Variants in ITGBL1 observed in about 807,000 individuals in gnomAD.
ITGBL1 encodes the protein integrin subunit beta like 1.
A neutral mutation model predicts 68.5 loss-of-function variants in ITGBL1; 51 were observed. That is an observed-to-expected ratio of 0.74 (90% CI 0.59 to 0.94). ITGBL1 has a LOEUF of 0.94. Among genes scored for constraint, ITGBL1 ranks in the 40% least tolerant of loss-of-function variants. ITGBL1 has a pLI of 0.00. For missense variants in ITGBL1, 649 were observed against 647.4 expected (o/e 1.00, Z -0.03); for synonymous variants, 209 against 227.3 (o/e 0.92, Z 0.72).
intron 2 of ITGBL1, among the ~76,000 whole-genome samples, chr13:101,492,109 T>C (rs1474086847): frequency 6.6e-6 from 1 of 152,188 alleles, no homozygotes; most frequent in East Asian, 1.9e-4. Flanking sequence ...GCATGTGTCT[T>C]TAAAGTAGAA....
intron 2 of ITGBL1, among the ~76,000 whole-genome samples, chr13:101,472,051 A>G (rs1443589173): frequency 6.6e-6 from 1 of 152,222 alleles, no homozygotes; most frequent in Non-Finnish European, 1.5e-5. Flanking sequence ...ATCATAAGAC[A>G]TTAGGTCTAT....
chr13:101,464,830 C>T (rs970025295), intron 2 of ITGBL1, among the ~76,000 whole-genome samples: 2 of 152,124 alleles, frequency 1.3e-5, no homozygotes, highest in African/African-American at 2.4e-5. Context: ...GACATACATG[C>T]GTAAGCCCTT....
At chr13:101,519,440 A>G (rs1174272169) in intron 2 of ITGBL1, among the ~76,000 whole-genome samples, 1 of 152,134 alleles carries the variant, frequency 6.6e-6, no homozygotes, top group East Asian at 1.9e-4. Flanking sequence ...GGTACTGCCA[A>G]GTGCAGGCTA....
At chr13:101,675,524 T>C (rs1454294809) in intron 7 of ITGBL1, among the ~76,000 whole-genome samples, 1 of 152,190 alleles carries the variant, frequency 6.6e-6, no homozygotes, top group Non-Finnish European at 1.5e-5. Flanking sequence ...TCACATGATC[T>C]CTTCTCTTTA....
intron 2 of ITGBL1, chr13:101,490,089 C>A: frequency 1.2e-6 from 1 of 813,504 alleles, no homozygotes; most frequent in Non-Finnish European, 2.0e-6. Flanking sequence ...GAAATTCTAA[C>A]CCCCAGTGTG....
intron 2 of ITGBL1, among the ~76,000 whole-genome samples, chr13:101,467,673 A>G (rs1397997413): frequency 6.6e-6 from 1 of 152,224 alleles, no homozygotes; most frequent in African/African-American, 2.4e-5. Context: ...TAAGACTTTT[A>G]TAAGGGTGCT....
downstream of ITGBL1, chr13:101,717,375 TGATA>T (rs539369443): frequency 1.1e-3 from 171 of 152,300 alleles, no homozygotes; most frequent in African/African-American, 3.9e-3. Flanking sequence ...GTACGTAAAT[TGATA>T]GATCTCTTCC....
At chr13:101,585,582 CA>C (rs1849795464) in intron 6 of ITGBL1, among the ~76,000 whole-genome samples, 1 of 152,034 alleles carries the variant, frequency 6.6e-6, no homozygotes, top group Non-Finnish European at 1.5e-5. Context: ...AGGTGCCCAC[CA>C]CCACGCCCGG....
chr13:101,578,348 A>C (rs1290964710), intron 4 of ITGBL1, among the ~76,000 whole-genome samples: 1 of 152,230 alleles, frequency 6.6e-6, no homozygotes, highest in Non-Finnish European at 1.5e-5. Context: ...CTTTAGCCAT[A>C]GACTGATAAA....
chr13:101,592,013 T>C (rs1013694620), intron 6 of ITGBL1, among the ~76,000 whole-genome samples: 4 of 152,154 alleles, frequency 2.6e-5, no homozygotes, highest in African/African-American at 9.7e-5. Flanking sequence ...TGATAATATA[T>C]TTTCTTCCTT....
intron 7 of ITGBL1, among the ~76,000 whole-genome samples, chr13:101,664,605 T>C (rs977709649): frequency 6.6e-6 from 1 of 152,168 alleles, no homozygotes; most frequent in African/African-American, 2.4e-5. Context: ...AAATAAACTT[T>C]TTTCACTGCA....
chr13:101,493,104 G>A (rs896643843), intron 2 of ITGBL1, among the ~76,000 whole-genome samples: 1 of 152,122 alleles, frequency 6.6e-6, no homozygotes, highest in Non-Finnish European at 1.5e-5. Context: ...TGTGGAATGA[G>A]TAGATTTCAA....
chr13:101,716,530 G>A (rs1359423283), downstream of ITGBL1: 1 of 152,070 alleles, frequency 6.6e-6, no homozygotes, highest in Non-Finnish European at 1.5e-5. Context: ...AGAAATAAGG[G>A]ATCACATTTT....
chr13:101,579,154 AT>A, intron 4 of ITGBL1, 132 bp from the exon 5 acceptor site: 1 of 921,104 alleles, frequency 1.1e-6, no homozygotes, highest in African/African-American at 1.7e-5. Flanking sequence ...GTATAATTTG[AT>A]TATTTTAGGC....
At chr13:101,656,703 C>T (rs2032935933) in intron 7 of ITGBL1, among the ~76,000 whole-genome samples, 1 of 152,082 alleles carries the variant, frequency 6.6e-6, no homozygotes, top group African/African-American at 2.4e-5. Context: ...TAATAGGTGA[C>T]AATATTTTTC....
chr13:101,538,160 A>C (rs747966181), intron 2 of ITGBL1, among the ~76,000 whole-genome samples: 4 of 152,046 alleles, frequency 2.6e-5, no homozygotes, highest in African/African-American at 7.2e-5. Context: ...GTAACTAAGG[A>C]AATGTATAGT....
Position 101,517,838 on chromosome 13 carries a change from T to C in ITGBL1, c.317-49861T>C, listed in dbSNP as rs564826343. On this transcript the variant is annotated intron_variant, in intron 2 of 10. Transcript: ENST00000376180. ...ATTTGGGGGTAGGGCTGGAGAGGACTCTGTCCTGGGTGGCTACTTACCTGT... is the reference window on the plus strand; with the variant it reads ...ATTTGGGGGTAGGGCTGGAGAGGACCCTGTCCTGGGTGGCTACTTACCTGT... Among the ~76,000 whole-genome samples the C allele has an allele frequency of 3.9e-5, 6 of 152,278 alleles. No homozygotes were observed. In the East Asian group the frequency reaches 1.2e-3, roughly 29 times the overall value.
intron 7 of ITGBL1, among the ~76,000 whole-genome samples, chr13:101,603,310 G>A (rs777005859): frequency 6.6e-5 from 10 of 151,942 alleles, no homozygotes; most frequent in Non-Finnish European, 1.3e-4. Context: ...CAGGTTGTTT[G>A]CAGCACAGAT....
At chr13:101,644,844 A>G (rs745651923) in intron 7 of ITGBL1, among the ~76,000 whole-genome samples, 5 of 152,248 alleles carry the variant, frequency 3.3e-5, no homozygotes, top group African/African-American at 9.6e-5. Context: ...ATTAGAATGT[A>G]TAAGGCATGG....
Sources: allele counts gnomAD v4.1 joint callset (sites outside exome capture counted in the v4.1 genomes callset), GRCh38; gene constraint gnomAD v4.1.1; transcripts MANE v1.5; gene names NCBI Gene and HGNC (gene_info 2026-07-23, HGNC 2026-07-21).